TEX15: variants seen among roughly 807,000 people sequenced by gnomAD.
TEX15 encodes the protein testis expressed 15, meiosis and synapsis associated, also known as testis-expressed protein 15.
TEX15 carries 171 observed loss-of-function variants against 237.3 expected under a neutral mutation model. The ratio of observed to expected loss-of-function variants is 0.72; its 90% CI spans 0.64 to 0.82. TEX15 has a LOEUF of 0.82. Ranked by LOEUF, TEX15 falls within the 40% of genes least tolerant of loss-of-function variation. The pLI is 0.00. For missense variants in TEX15, 3,750 were observed against 3,646.5 expected (o/e 1.03, Z -0.73); for synonymous variants, 1,338 against 1,269.8 (o/e 1.05, Z -1.14).
chr8:30,850,909 C>T (rs1469878354), intron 7 of TEX15, among the ~76,000 whole-genome samples: 1 of 151,710 alleles, frequency 6.6e-6, no homozygotes, highest in Non-Finnish European at 1.5e-5. Context: ...AAAAGATGCC[C>T]CAACCCCACT....
chr8:30,844,811 T>C lies in TEX15; in HGVS notation c.5356A>G (p.Asn1786Asp), dbSNP rs1012505675. The change falls in exon 8 of 11, where the codon AAT (asparagine) becomes GAT (aspartate). Residue 1786 changes from asparagine to aspartate, a missense_variant. Coordinates refer to ENST00000643185, the MANE Select transcript of TEX15 (RefSeq NM_001350162.2). ...TCCAACTCATAATTCTCAGTGACAT[T>C]TGTTTCATTCCCATCTGTATGGAGG... ...NCLHTDGNETNVTENYELDVA... is the reference protein window; with the variant it reads ...NCLHTDGNETDVTENYELDVA... The C allele has an allele frequency of 4.3e-6, 7 of 1,613,546 alleles. No homozygotes were observed. The highest frequency in any genetic ancestry group is 1.1e-5 in the South Asian group (1 of 91,072).
Position 30,844,622 on chromosome 8 carries a change from G to GTT in TEX15, c.5543_5544dup (p.Gln1849AsnfsTer15). ...ACAGAATCTTTTGCTTTTTCCGCTTGTTTAACTTTCCACGTTATTCTGTCC... is the reference window on the plus strand; with the variant it reads ...ACAGAATCTTTTGCTTTTTCCGCTTGTTTTTAACTTTCCACGTTATTCTGTCC... On this transcript the variant is annotated frameshift_variant, in exon 8 of 11. Transcript: ENST00000643185. LOFTEE classifies it high-confidence loss of function. The GTT allele has an allele frequency of 6.2e-7, 1 of 1,613,206 alleles. No individual in the cohort carries two copies. Among genetic ancestry groups the GTT allele is most frequent in the Non-Finnish European group, 8.5e-7 (1 of 1,179,538 alleles).
chr8:30,862,840 T>G (rs1374671459), intron 5 of TEX15, among the ~76,000 whole-genome samples: 1 of 152,208 alleles, frequency 6.6e-6, no homozygotes, highest in Non-Finnish European at 1.5e-5. Flanking sequence ...CTTAACCAAT[T>G]TATCTGTGGA....
intron 3 of TEX15, among the ~76,000 whole-genome samples, chr8:30,877,049 G>A (rs1003242458): frequency 3.3e-5 from 5 of 152,102 alleles, no homozygotes. Flanking sequence ...CAGCCATGGG[G>A]AACTGTGAGT....
At position 30,862,670 on chromosome 8, in the gene TEX15, A is replaced by G. The variant is rs1585295462; in HGVS notation, c.541-2613T>C. Among the ~76,000 whole-genome samples, 5 of 152,338 alleles carry G rather than the reference A, an allele frequency of 3.3e-5. No individual in the cohort carries two copies. The South Asian group carries it at 1.0e-3, about 32-fold the overall frequency. ...CATGAACCACTGATTTTCTGTAGCT[A>G]TACACACAATCCCAAGCTGTTTTCA... is the stretch of plus-strand genomic sequence containing the variant. On this transcript the variant is annotated intron_variant, in intron 5 of 10. Coordinates refer to ENST00000643185, the MANE Select transcript of TEX15 (RefSeq NM_001350162.2).
chr8:30,905,662 G>C (rs1424540278), intron 1 of TEX15, among the ~76,000 whole-genome samples: 2 of 149,718 alleles, frequency 1.3e-5, no homozygotes, highest in Non-Finnish European at 2.9e-5. Flanking sequence ...GCTGAGGCCG[G>C]TGGATCACTT....
chr8:30,909,643 G>C (rs1809178822), intron 1 of TEX15, among the ~76,000 whole-genome samples: 1 of 152,060 alleles, frequency 6.6e-6, no homozygotes. Flanking sequence ...GTGAAATAGA[G>C]CTATTTCTGA....
chr8:30,841,859 A>T (rs964564621), intron 8 of TEX15, 145 bp downstream of exon 8: 3 of 513,554 alleles, frequency 5.8e-6, no homozygotes, highest in Non-Finnish European at 6.7e-6. Flanking sequence ...GAATTGTTTA[A>T]ATCAATATTA....
At chr8:30,887,102 T>C (rs1327638664) in intron 3 of TEX15, 65 bp downstream of exon 3, 7 of 1,373,174 alleles carry the variant, frequency 5.1e-6, no homozygotes, top group Non-Finnish European at 4.8e-6. Flanking sequence ...AAGATGAACA[T>C]AAACTAAGAA....
Position 30,847,747 on chromosome 8 carries a change from T to C in TEX15, c.2420A>G (p.His807Arg), listed in dbSNP as rs753656316. Residue 807 changes from histidine to arginine, a missense_variant, in exon 8 of 11, where the codon CAT becomes CGT. By Grantham distance (29) the His-to-Arg change is conservative. Coordinates refer to ENST00000643185, the MANE Select transcript of TEX15 (RefSeq NM_001350162.2). Reference protein sequence around the residue: ...CSITREHICVHRKNENEPVSL... With the variant: ...CSITREHICVRRKNENEPVSL... Reference sequence around the variant, plus strand: ...CACTGGTTCATTTTCATTTTTCCTATGGACACATATATGTTCTCTAGTTAT... The same window carrying C: ...CACTGGTTCATTTTCATTTTTCCTACGGACACATATATGTTCTCTAGTTAT... 2 of 1,613,792 alleles carry C rather than the reference T, an allele frequency of 1.2e-6. No homozygotes were observed. The highest frequency in any genetic ancestry group is 2.2e-5 in the East Asian group (1 of 44,862).
chr8:30,840,120 C>G (rs2128766762), intron 8 of TEX15, among the ~76,000 whole-genome samples, 156 bp from the exon 9 acceptor site: 1 of 152,218 alleles, frequency 6.6e-6, no homozygotes, highest in Non-Finnish European at 1.5e-5. Context: ...AGCAGTGACT[C>G]TCCTAGACTT....
intron 3 of TEX15, among the ~76,000 whole-genome samples, chr8:30,884,537 T>C (rs1808604644): frequency 1.3e-5 from 2 of 152,228 alleles, no homozygotes; most frequent in South Asian, 2.1e-4. Context: ...ATTCAGATCA[T>C]ATATTTCTTC....
Position 30,846,856 on chromosome 8 carries a change from C to A in TEX15, c.3311G>T (p.Gly1104Val). The A allele has an allele frequency of 1.2e-6, 2 of 1,613,870 alleles. No individual in the cohort carries two copies. Among genetic ancestry groups the A allele is most frequent in the Non-Finnish European group, 1.7e-6 (2 of 1,179,828 alleles). Residue 1104 changes from glycine (G) to valine (V), a missense_variant, in exon 8 of 11, where the codon GGT (glycine) becomes GTT (valine). Physicochemically the swap from Gly to Val is moderately radical, Grantham distance 109 (BLOSUM62 -3). Coordinates refer to ENST00000643185, the MANE Select transcript of TEX15 (RefSeq NM_001350162.2). ...CTCCCCGTTATCAAGTGCTAACAGA[C>A]CTTCCCAACTGATACGAGACTTCAG... ...KALKSRISWE[G>V]LLALDNGEME...
chr8:30,897,284 T>TC (rs1323015563), intron 2 of TEX15, among the ~76,000 whole-genome samples: 1 of 152,170 alleles, frequency 6.6e-6, no homozygotes, highest in African/African-American at 2.4e-5. Context: ...CACCTATCCC[T>TC]CTTCCTACCA....
intron 2 of TEX15, among the ~76,000 whole-genome samples, chr8:30,889,968 T>TACATATATATATATAC (rs1808764439): frequency 3.5e-5 from 5 of 143,912 alleles, no homozygotes; most frequent in African/African-American, 1.3e-4. Context: ...TATATATATA[T>TACATATATATATATAC]GTATAAGTAA....
At chr8:30,907,774 C>CAAA (rs35997250) in intron 1 of TEX15, among the ~76,000 whole-genome samples, 5 of 111,536 alleles carry the variant, frequency 4.5e-5, no homozygotes, top group Non-Finnish European at 7.2e-5. Flanking sequence ...ATAATTACAC[C>CAAA]AAAAAAAAAA....
At chr8:30,861,055 CAA>C (rs530642191) in intron 5 of TEX15, among the ~76,000 whole-genome samples, 1 of 147,672 alleles carries the variant, frequency 6.8e-6, no homozygotes, top group African/African-American at 2.5e-5. Context: ...CCAAAATGAA[CAA>C]AAAAAAGAAT....
chr8:30,837,475 G>C lies in TEX15; in HGVS notation c.8809C>G (p.Pro2937Ala), dbSNP rs772761794. ...TTGTTCTGGATACAGATGGGTTCTG[G>C]AGAAGTCATGCATGAGGAATTTTTA... is the stretch of plus-strand genomic sequence containing the variant. The part of the protein sequence containing the change: ...SIKNSSCMTS[P>A]EPICIQNKIP... Residue 2937 changes from proline to alanine, a missense_variant, in exon 10 of 11, where the codon CCA (proline) becomes GCA (alanine). Transcript: ENST00000643185. 4.3e-6 allele frequency: 7 copies of C among 1,613,936 alleles called. No individual in the cohort carries two copies. The Admixed American group carries it at 1.2e-4, about 27-fold the overall frequency.
In TEX15 at chr8:30,836,963, A is replaced by G. The variant is rs771453241; in HGVS notation, c.9321T>C (p.Asn3107=). ...FTYFAGEPQA[N]GFVPVNGYFQ... ...AATACCCATTCACTGGCACAAAGCC[A>G]TTTGCTTGTGGCTCCCCCGCAAAAT... The change falls in exon 10 of 11, where the codon AAT becomes AAC. Residue 3107 remains asparagine (N), a synonymous_variant. Coordinates refer to ENST00000643185, the MANE Select transcript of TEX15 (RefSeq NM_001350162.2). 1.2e-5 allele frequency: 19 copies of G among 1,614,062 alleles called. No homozygotes were observed. The highest frequency in any genetic ancestry group is 3.3e-5 in the Admixed American group (2 of 60,002).
Sources: gnomAD v4.1 joint callset for allele counts (sites outside exome capture counted in the v4.1 genomes callset) on GRCh38, gnomAD v4.1.1 for gene constraint, MANE v1.5 for transcripts, NCBI Gene and HGNC (gene_info 2026-07-23, HGNC 2026-07-21) for gene names.